WDR59: variants seen among roughly 807,000 people sequenced by gnomAD.
WDR59 encodes GATOR2 complex protein WDR59.
Under a neutral mutation model 131.2 loss-of-function variants are expected in WDR59, and 100 were observed. The observed-to-expected ratio is 0.76, with a 90% CI of 0.65 to 0.90. The LOEUF is 0.90. Ranked by LOEUF, WDR59 falls within the 40% of genes least tolerant of loss-of-function variation. The pLI is 0.00. For synonymous variants in WDR59, 601 were observed against 466.2 expected (o/e 1.29, Z -3.72); for missense variants, 1,203 against 1,262.2 (o/e 0.95, Z 0.71).
intron 17 of WDR59, among the ~76,000 whole-genome samples, chr16:74,907,216 T>C (rs1251594171): frequency 6.7e-6 from 1 of 150,020 alleles, no homozygotes; most frequent in Non-Finnish European, 1.5e-5. Flanking sequence ...CTCATCCAGT[T>C]CTCTCTCTTT....
At chr16:74,893,450 C>T (rs1195079705) in intron 19 of WDR59, among the ~76,000 whole-genome samples, 1 of 152,086 alleles carries the variant, frequency 6.6e-6, no homozygotes, top group Admixed American at 6.6e-5. Flanking sequence ...AGCAAGGACA[C>T]AGAAAAGCTG....
intron 10 of WDR59, among the ~76,000 whole-genome samples, chr16:74,919,779 G>A (rs1309015273): frequency 1.3e-5 from 2 of 152,136 alleles, no homozygotes; most frequent in Non-Finnish European, 2.9e-5. Flanking sequence ...CTTGTCCCCT[G>A]GCCACAATAT....
At chr16:74,909,108 G>A (rs1242855337) in intron 16 of WDR59, 131 bp from the exon 17 acceptor site, 3 of 763,048 alleles carry the variant, frequency 3.9e-6, no homozygotes, top group Non-Finnish European at 6.6e-6. Flanking sequence ...TAAGCTGCAA[G>A]ACTCCTGACT....
chr16:74,916,570 C>T (rs1014528412), intron 11 of WDR59, among the ~76,000 whole-genome samples: 4 of 152,122 alleles, frequency 2.6e-5, no homozygotes, highest in Non-Finnish European at 1.5e-5. Flanking sequence ...GCAAAAATAT[C>T]ATAACCGGCC....
chr16:74,888,435 G>A, intron 21 of WDR59, 116 bp from the exon 22 acceptor site: 2 of 1,132,280 alleles, frequency 1.8e-6, no homozygotes, highest in Non-Finnish European at 2.4e-6. Context: ...TCTTGATTCT[G>A]CCTCAAAAAC....
chr16:74,927,375 G>A (rs1322253436), intron 8 of WDR59, among the ~76,000 whole-genome samples: 1 of 151,876 alleles, frequency 6.6e-6, no homozygotes, highest in East Asian at 1.9e-4. Flanking sequence ...ATCACCTAAG[G>A]TCAGGAGTTA....
chr16:74,876,593 G>C (rs951138592), intron 25 of WDR59, among the ~76,000 whole-genome samples: 23 of 152,126 alleles, frequency 1.5e-4, no homozygotes, highest in African/African-American at 5.6e-4. Flanking sequence ...TAGTTTTCAA[G>C]ATCCTTATTA....
chr16:74,930,308 C>T (rs964570925), intron 8 of WDR59, among the ~76,000 whole-genome samples: 1 of 151,882 alleles, frequency 6.6e-6, no homozygotes, highest in African/African-American at 2.4e-5. Flanking sequence ...TCTCATGTAC[C>T]CCATACATAT....
At chr16:74,884,365 T>C (rs182231071) in intron 25 of WDR59, among the ~76,000 whole-genome samples, 1 of 152,344 alleles carries the variant, frequency 6.6e-6, no homozygotes, top group East Asian at 1.9e-4. Flanking sequence ...TTTTTGTTTT[T>C]TGAGACAGAG....
At chr16:74,954,144 C>T (rs2033160904) in intron 3 of WDR59, among the ~76,000 whole-genome samples, 5 of 152,152 alleles carry the variant, frequency 3.3e-5, no homozygotes, top group Admixed American at 3.3e-4. Flanking sequence ...TGCGGTGGCT[C>T]ATGCCTGTAA....
Position 74,938,240 on chromosome 16 carries a change from T to C in WDR59, c.561A>G (p.Leu187=). 1.9e-6 allele frequency: 3 copies of C among 1,565,416 alleles called. No individual in the cohort carries two copies. Among genetic ancestry groups the C allele is most frequent in the Admixed American group, 1.9e-5 (1 of 52,588 alleles). ...CATGGATTTTGGAGAGGTGGGCGGCTAGATATTCCACTGCTGTACTGGGTT... is the reference window on the plus strand; with the variant it reads ...CATGGATTTTGGAGAGGTGGGCGGCCAGATATTCCACTGCTGTACTGGGTT... ...KRKPSTAVEY[L]AAHLSKIHGL... The change falls in exon 8 of 26, where the codon CTA becomes CTG. Residue 187 remains leucine (L), a synonymous_variant. Coordinates refer to ENST00000262144, the MANE Select transcript of WDR59 (RefSeq NM_030581.4).
At chr16:74,896,043 G>A (rs1965282114) in intron 18 of WDR59, among the ~76,000 whole-genome samples, 1 of 151,844 alleles carries the variant, frequency 6.6e-6, no homozygotes, top group Non-Finnish European at 1.5e-5. Flanking sequence ...CACACCCACA[G>A]GCCCCACATA....
At chr16:74,941,646 G>T (rs1363949069) in intron 7 of WDR59, among the ~76,000 whole-genome samples, 1 of 150,420 alleles carries the variant, frequency 6.6e-6, no homozygotes, top group Admixed American at 6.7e-5. Flanking sequence ...GTGAGCCAAG[G>T]TCCCCACTGT....
In WDR59 at chr16:74,922,125, C is replaced by G. The variant is rs199940785; in HGVS notation, c.730-22G>C. 9.6e-5 allele frequency: 155 copies of G among 1,613,290 alleles called. No individual in the cohort carries two copies. The African/African-American group carries it at 1.8e-3, about 19-fold the overall frequency. The stretch of plus-strand genomic sequence containing the variant: ...AAGGCTAAGGCAGGGAAGGGAAAAG[C>G]AGGTGATTAGATTATTTCAGGGAGA... On this transcript the variant is annotated intron_variant, in intron 9 of 25. Coordinates refer to ENST00000262144, the MANE Select transcript of WDR59 (RefSeq NM_030581.4).
intron 25 of WDR59, among the ~76,000 whole-genome samples, chr16:74,884,743 C>T (rs371007590): frequency 1.3e-5 from 2 of 152,318 alleles, no homozygotes; most frequent in East Asian, 3.9e-4. Context: ...CCCCACTGTA[C>T]TCCAACCACA....
At position 74,971,669 on chromosome 16, in the gene WDR59, G is replaced by C. The variant is rs370798547; in HGVS notation, c.55-5847C>G. Among the ~76,000 whole-genome samples the C allele has an allele frequency of 2.6e-5, 4 of 152,066 alleles. No individual in the cohort carries two copies. In the East Asian group the frequency reaches 7.7e-4, roughly 29 times the overall value. On this transcript the variant is annotated intron_variant, in intron 1 of 25. Transcript: ENST00000262144. ...GCTGGTCTCGAACTACTGACCTTAA[G>C]TGATCCACCTGCCTGGGCCTCCCAA...
At chr16:74,955,877 G>A (rs59208153) in intron 3 of WDR59, among the ~76,000 whole-genome samples, 4,565 of 152,134 alleles carry the variant, frequency 0.03, 233 homozygotes, top group African/African-American at 0.1. Context: ...TGCCAGACAG[G>A]TTGTAGTCCA....
intron 7 of WDR59, among the ~76,000 whole-genome samples, chr16:74,938,894 A>G (rs1034957493): frequency 2.6e-5 from 4 of 152,024 alleles, no homozygotes; most frequent in Non-Finnish European, 4.4e-5. Context: ...TGATCACCCA[A>G]GAAGAGAGAC....
chr16:74,880,837 G>GGT (rs1964445462), intron 25 of WDR59, among the ~76,000 whole-genome samples: 1 of 152,162 alleles, frequency 6.6e-6, no homozygotes, highest in East Asian at 1.9e-4. Flanking sequence ...AAAGGTGCAG[G>GGT]GTCATACAGC....
Sources: gnomAD v4.1 joint callset for allele counts (sites outside exome capture counted in the v4.1 genomes callset) on GRCh38, gnomAD v4.1.1 for gene constraint, MANE v1.5 for transcripts, NCBI Gene and HGNC (gene_info 2026-07-23, HGNC 2026-07-21) for gene names.